The following SYN3 variants were observed in gnomAD, a reference collection of about 807,000 sequenced individuals.
SYN3 encodes the protein synapsin III, also known as synapsin-3.
A neutral mutation model predicts 65.8 loss-of-function variants in SYN3; 35 were observed. The ratio of observed to expected loss-of-function variants is 0.53; its 90% CI spans 0.41 to 0.70. The LOEUF is 0.70. Ranked by LOEUF, SYN3 falls within the 30% of genes least tolerant of loss-of-function variation. The pLI is 0.00. For synonymous variants in SYN3, 270 were observed against 292.9 expected (o/e 0.92, Z 0.80); for missense variants, 680 against 749.0 (o/e 0.91, Z 1.08).
At position 32,763,393 on chromosome 22, in the gene SYN3, C is replaced by A. The variant is rs139030676; in HGVS notation, c.711+101522G>T. Among the ~76,000 whole-genome samples, 1,502 of 152,232 alleles carry A rather than the reference C, an allele frequency of 9.9e-3. 26 individuals carry two copies. Among genetic ancestry groups the A allele is most frequent in the African/African-American group, 0.034 (1,417 of 41,536 alleles). ...GTCTTGATCTCCTGACCTCATGATC[C>A]GCCTGCCTTGGCCTCCCAAAGTGCT... On this transcript the variant is annotated intron_variant, in intron 6 of 13. Transcript: ENST00000358763.
intron 1 of SYN3, among the ~76,000 whole-genome samples, chr22:33,040,308 T>C (rs1403631994): frequency 1.3e-5 from 2 of 152,072 alleles, no homozygotes; most frequent in Non-Finnish European, 2.9e-5. Flanking sequence ...TTCAGCCCCA[T>C]AACAGAGAAA....
At chr22:32,533,982 C>T (rs1267172844) in intron 9 of SYN3, 87 bp from the exon 10 acceptor site, 1 of 847,238 alleles carries the variant, frequency 1.2e-6, no homozygotes, top group Admixed American at 2.0e-5. Context: ...CATGGAAAAA[C>T]AGGCAGGGAG....
At chr22:32,737,322 T>C (rs537021468) in intron 6 of SYN3, among the ~76,000 whole-genome samples, 8 of 150,156 alleles carry the variant, frequency 5.3e-5, no homozygotes, top group South Asian at 2.1e-4. Flanking sequence ...CTTTTCTTTT[T>C]TTTTTAATTA....
Position 32,987,619 on chromosome 22 carries a change from C to G in SYN3, c.312-6917G>C, listed in dbSNP as rs904586465. On this transcript the variant is annotated intron_variant, in intron 2 of 13. Coordinates refer to ENST00000358763, the MANE Select transcript of SYN3 (RefSeq NM_003490.4). ...CTCCCTATGCCTGTATGGGGATCTGCGGAGGCAAAAAACTGAGACATAACA... is the reference window on the plus strand; with the variant it reads ...CTCCCTATGCCTGTATGGGGATCTGGGGAGGCAAAAAACTGAGACATAACA... Among the ~76,000 whole-genome samples, 5 of 152,180 alleles carry G rather than the reference C, an allele frequency of 3.3e-5. No individual in the cohort carries two copies. The South Asian group carries it at 8.3e-4, about 25-fold the overall frequency.
chr22:32,650,262 T>C (rs558777578), intron 6 of SYN3, among the ~76,000 whole-genome samples: 89 of 73,296 alleles, frequency 1.2e-3, no homozygotes, highest in Middle Eastern at 7.2e-3. Flanking sequence ...TCCCTCCCTC[T>C]CTCTCTCTCT....
intron 6 of SYN3, among the ~76,000 whole-genome samples, chr22:32,715,817 G>A (rs1362146293): frequency 6.6e-6 from 1 of 150,612 alleles, no homozygotes; most frequent in Non-Finnish European, 1.5e-5. Context: ...AGCATAGTCT[G>A]CACAATTAGG....
intron 4 of SYN3, among the ~76,000 whole-genome samples, chr22:32,925,698 C>A (rs2050449747): frequency 6.6e-6 from 1 of 152,122 alleles, no homozygotes; most frequent in African/African-American, 2.4e-5. Flanking sequence ...CCTACTTTGG[C>A]TGCCACTAGA....
intron 6 of SYN3, among the ~76,000 whole-genome samples, chr22:32,847,869 A>G (rs2048113033): frequency 1.3e-5 from 2 of 152,216 alleles, no homozygotes; most frequent in South Asian, 2.1e-4. Context: ...CCCCATTCCA[A>G]TTCCTGTTGA....
chr22:32,899,722 A>G (rs945082288), intron 4 of SYN3, among the ~76,000 whole-genome samples: 59 of 152,360 alleles, frequency 3.9e-4, no homozygotes, highest in Middle Eastern at 3.4e-3. Context: ...ACTAGCCAGA[A>G]ACCCTGAACA....
At chr22:32,550,270 C>T (rs558114224) in intron 7 of SYN3, among the ~76,000 whole-genome samples, 46 of 151,296 alleles carry the variant, frequency 3.0e-4, no homozygotes, top group Admixed American at 5.9e-4. Context: ...TTATAATATA[C>T]TTATTTGACT....
At chr22:32,527,685 C>A in intron 12 of SYN3, 1 of 442,088 alleles carries the variant, frequency 2.3e-6, no homozygotes, top group Non-Finnish European at 4.0e-6. Context: ...TGGGACATTC[C>A]CTGGCACAGT....
At chr22:32,533,983 A>T (rs920035041) in intron 9 of SYN3, 88 bp from the exon 10 acceptor site, 1 of 811,120 alleles carries the variant, frequency 1.2e-6, no homozygotes, top group Non-Finnish European at 2.1e-6. Flanking sequence ...ATGGAAAAAC[A>T]GGCAGGGAGG....
intron 13 of SYN3, among the ~76,000 whole-genome samples, chr22:32,515,683 G>A: frequency 6.6e-6 from 1 of 152,206 alleles, no homozygotes; most frequent in Admixed American, 6.5e-5. Context: ...AGCATTATTT[G>A]TAAGATCAAA....
intron 3 of SYN3, among the ~76,000 whole-genome samples, chr22:32,962,801 CATCTATCTATCTATCTATCTATCTATCT>C (rs56349346): frequency 4.8e-5 from 7 of 146,482 alleles, no homozygotes; most frequent in African/African-American, 1.8e-4. Context: ...AGAGTATCGG[CATCTATCTATCTATCTATCTATCTATCT>C]ATCTATCTAT....
chr22:32,709,503 T>C (rs2060926832), intron 6 of SYN3, among the ~76,000 whole-genome samples: 1 of 152,220 alleles, frequency 6.6e-6, no homozygotes, highest in African/African-American at 2.4e-5. Flanking sequence ...TAGAAACTTT[T>C]TTGAGTGAAA....
Position 32,866,544 on chromosome 22 carries a change from T to C in SYN3, c.622-1540A>G, listed in dbSNP as rs147068096. 5.6e-4 allele frequency among the ~76,000 whole-genome samples: 85 copies of C among 152,316 alleles called. 2 individuals are homozygous for C. The highest frequency in any genetic ancestry group is 1.9e-3 in the African/African-American group (79 of 41,564). On this transcript the variant is annotated intron_variant, in intron 5 of 13. Coordinates refer to ENST00000358763, the MANE Select transcript of SYN3 (RefSeq NM_003490.4). Reference sequence around the variant, plus strand: ...AGCCTCAGTTTCCTCATCTGTAAGATGGAGATATTAGCAACTCCTACTCAT... The same window carrying C: ...AGCCTCAGTTTCCTCATCTGTAAGACGGAGATATTAGCAACTCCTACTCAT...
At chr22:33,030,606 T>C (rs553941964) in intron 1 of SYN3, among the ~76,000 whole-genome samples, 4 of 127,472 alleles carry the variant, frequency 3.1e-5, no homozygotes, top group African/African-American at 1.2e-4. Flanking sequence ...CAGAGAGAGA[T>C]AGATAAAAAT....
At chr22:32,911,284 C>T (rs2050044848) in intron 4 of SYN3, among the ~76,000 whole-genome samples, 1 of 152,156 alleles carries the variant, frequency 6.6e-6, no homozygotes, top group Admixed American at 6.5e-5. Flanking sequence ...TCCTACTGAC[C>T]TATAAGACAT....
intron 6 of SYN3, among the ~76,000 whole-genome samples, chr22:32,831,339 G>C (rs1048681047): frequency 6.6e-6 from 1 of 152,200 alleles, no homozygotes; most frequent in African/African-American, 2.4e-5. Context: ...CAGAGAAGAG[G>C]TGAATTGTTT....
Sources: gnomAD v4.1 joint callset for allele counts (sites outside exome capture counted in the v4.1 genomes callset) on GRCh38, gnomAD v4.1.1 for gene constraint, MANE v1.5 for transcripts, NCBI Gene and HGNC (gene_info 2026-07-23, HGNC 2026-07-21) for gene names.